Variants in TTC28 observed in about 807,000 individuals in gnomAD.
The protein encoded by TTC28 is tetratricopeptide repeat domain 28, also known as tetratricopeptide repeat protein 28.
Under a neutral mutation model 198.0 loss-of-function variants are expected in TTC28, and 61 were observed. The observed-to-expected ratio is 0.31, with a 90% CI of 0.25 to 0.38. The LOEUF is 0.38. Among genes scored for constraint, TTC28 ranks in the 10% least tolerant of loss-of-function variants. TTC28 has a pLI of 1.00. For missense variants in TTC28, 2,678 were observed against 3,164.0 expected (o/e 0.85, Z 3.69); for synonymous variants, 1,171 against 1,297.8 (o/e 0.90, Z 2.10).
intron 2 of TTC28, among the ~76,000 whole-genome samples, chr22:28,528,423 G>T (rs2049054366): frequency 6.6e-6 from 1 of 151,968 alleles, no homozygotes; most frequent in South Asian, 2.1e-4. Flanking sequence ...CTTTTGCAAA[G>T]AAGTCAGCTT....
intron 1 of TTC28, among the ~76,000 whole-genome samples, chr22:28,630,946 C>T (rs2051163329): frequency 2.0e-5 from 3 of 152,066 alleles, no homozygotes; most frequent in South Asian, 2.1e-4. Flanking sequence ...TATGTTAAGA[C>T]AATTGCACTT....
chr22:28,653,526 A>G (rs538952000), intron 1 of TTC28, among the ~76,000 whole-genome samples: 1 of 151,362 alleles, frequency 6.6e-6, no homozygotes, highest in Admixed American at 6.6e-5. Flanking sequence ...AACCAACCCT[A>G]CCATAAATCC....
intron 13 of TTC28, chr22:28,029,213 C>A (rs1167386098): frequency 2.3e-6 from 1 of 426,138 alleles, no homozygotes; most frequent in Non-Finnish European, 4.9e-6. Context: ...TCCTTACAAC[C>A]AGGCTGCCAG....
intron 2 of TTC28, among the ~76,000 whole-genome samples, chr22:28,328,016 T>C (rs904284627): frequency 3.3e-5 from 5 of 152,166 alleles, no homozygotes; most frequent in African/African-American, 1.2e-4. Flanking sequence ...TAAAGCTCAA[T>C]ATCTAGTGCA....
chr22:28,509,851 C>T (rs2048664537), intron 2 of TTC28, among the ~76,000 whole-genome samples: 1 of 152,102 alleles, frequency 6.6e-6, no homozygotes, highest in African/African-American at 2.4e-5. Flanking sequence ...GATATCACCA[C>T]TGACCCCTCA....
chr22:28,015,419 T>TAAAAAAA (rs138678), intron 13 of TTC28, among the ~76,000 whole-genome samples: 2 of 109,666 alleles, frequency 1.8e-5, no homozygotes, highest in Admixed American at 9.9e-5. Flanking sequence ...GAGATAGCTT[T>TAAAAAAA]AAAAAAAAAA....
chr22:28,614,727 A>G (rs1462351114), intron 2 of TTC28, among the ~76,000 whole-genome samples: 1 of 152,214 alleles, frequency 6.6e-6, no homozygotes, highest in East Asian at 1.9e-4. Flanking sequence ...GTGCTGGGAA[A>G]ACTGGCTAGC....
At chr22:28,588,459 G>C (rs1125250) in intron 2 of TTC28, among the ~76,000 whole-genome samples, 1 of 151,946 alleles carries the variant, frequency 6.6e-6, no homozygotes, top group Non-Finnish European at 1.5e-5. Flanking sequence ...GAGGTTGCAG[G>C]AGAATCAACT....
At chr22:28,019,503 C>A (rs574410525) in intron 13 of TTC28, among the ~76,000 whole-genome samples, 1 of 152,212 alleles carries the variant, frequency 6.6e-6, no homozygotes, top group Non-Finnish European at 1.5e-5. Flanking sequence ...GCCTCTGAGT[C>A]ACAGCTGGCT....
chr22:28,566,780 G>T (rs1424198961), intron 2 of TTC28, among the ~76,000 whole-genome samples: 1 of 152,094 alleles, frequency 6.6e-6, no homozygotes, highest in Non-Finnish European at 1.5e-5. Flanking sequence ...TAAAAGGACT[G>T]GAAGATAAAA....
At chr22:28,149,683 G>A (rs957903986) in intron 6 of TTC28, among the ~76,000 whole-genome samples, 5 of 152,172 alleles carry the variant, frequency 3.3e-5, no homozygotes, top group Admixed American at 1.3e-4. Context: ...CACACATGGA[G>A]CTATCATCTC....
intron 1 of TTC28, among the ~76,000 whole-genome samples, chr22:28,634,433 C>T (rs1022840141): frequency 6.7e-6 from 1 of 149,544 alleles, no homozygotes; most frequent in Non-Finnish European, 1.5e-5. Context: ...TTGCTTGAAC[C>T]TGGGAATCGG....
intron 2 of TTC28, among the ~76,000 whole-genome samples, chr22:28,340,149 G>A (rs925435216): frequency 1.3e-5 from 2 of 152,044 alleles, no homozygotes; most frequent in African/African-American, 2.4e-5. Context: ...CCTTGGGCTG[G>A]TCCTACCCTT....
chr22:28,034,542 A>G (rs967391063), intron 12 of TTC28, among the ~76,000 whole-genome samples: 1 of 152,194 alleles, frequency 6.6e-6, no homozygotes, highest in Non-Finnish European at 1.5e-5. Context: ...GGAGGGTAAA[A>G]GAGGACTCTG....
At chr22:28,053,548 CAG>C (rs1940167104) in intron 12 of TTC28, among the ~76,000 whole-genome samples, 1 of 152,124 alleles carries the variant, frequency 6.6e-6, no homozygotes, top group Admixed American at 6.5e-5. Flanking sequence ...TAGATTTCTC[CAG>C]AGTTATTTTC....
At chr22:28,034,272 G>C (rs2146646745) in intron 12 of TTC28, among the ~76,000 whole-genome samples, 1 of 152,286 alleles carries the variant, frequency 6.6e-6, no homozygotes, top group Non-Finnish European at 1.5e-5. Context: ...AGGAAGAGTG[G>C]AAAAGGAGGG....
intron 5 of TTC28, among the ~76,000 whole-genome samples, chr22:28,286,218 A>G (rs984943369): frequency 6.6e-6 from 1 of 152,208 alleles, no homozygotes; most frequent in Non-Finnish European, 1.5e-5. Flanking sequence ...TTAGACATGT[A>G]TATTTAAATC....
At chr22:28,034,233 G>T (rs1158978431) in intron 12 of TTC28, among the ~76,000 whole-genome samples, 1 of 152,192 alleles carries the variant, frequency 6.6e-6, no homozygotes, top group Non-Finnish European at 1.5e-5. Flanking sequence ...ACTCGAGGGA[G>T]ACAGGGCCCA....
At chr22:28,540,662 A>G (rs1454594683) in intron 2 of TTC28, among the ~76,000 whole-genome samples, 5 of 152,172 alleles carry the variant, frequency 3.3e-5, no homozygotes, top group Admixed American at 1.3e-4. Flanking sequence ...GCCAAAACCC[A>G]TATTTTTCAT....
Sources: allele counts gnomAD v4.1 joint callset (sites outside exome capture counted in the v4.1 genomes callset), GRCh38; gene constraint gnomAD v4.1.1; transcripts MANE v1.5; gene names NCBI Gene and HGNC (gene_info 2026-07-23, HGNC 2026-07-21).